SEC24A: variants seen among roughly 807,000 people sequenced by gnomAD.
SEC24A encodes protein transport protein Sec24A.
In SEC24A, 93 loss-of-function variants were observed where a neutral mutation model predicts 129.4. The observed-to-expected ratio is 0.72, with a 90% CI of 0.61 to 0.85. The LOEUF (loss-of-function observed/expected upper bound fraction) is 0.85. Among genes scored for constraint, SEC24A ranks in the 40% least tolerant of loss-of-function variants. The pLI is 0.00. For synonymous variants in SEC24A, 460 were observed against 467.3 expected, an observed-to-expected ratio of 0.98 and a Z score of 0.20; for missense variants, 1,264 against 1,307.4, an observed-to-expected ratio of 0.97 and a Z score of 0.51.
chr5:134,672,980 G>C (rs1371124592), intron 4 of SEC24A, among the ~76,000 whole-genome samples: 1 of 151,448 alleles, frequency 6.6e-6, no homozygotes, highest in African/African-American at 2.4e-5. Flanking sequence ...GGCTTGAAGA[G>C]ATCCCTCCTG....
chr5:134,688,138 G>T, intron 10 of SEC24A, 43 bp from the exon 11 acceptor site: 1 of 1,048,522 alleles, frequency 9.5e-7, no homozygotes, highest in South Asian at 1.3e-5. Context: ...GTATTTGTAT[G>T]TGGTTAAAAC....
Position 134,703,822 on chromosome 5 carries a change from C to A in SEC24A, c.2330C>A (p.Pro777His). 3 of 1,613,334 alleles carry A rather than the reference C, an allele frequency of 1.9e-6. No homozygotes were observed. Among genetic ancestry groups the A allele is most frequent in the Non-Finnish European group, 2.5e-6 (3 of 1,179,340 alleles). The change falls in exon 16 of 23, where the codon CCT becomes CAT. Residue 777 changes from proline (P) to histidine (H), a missense_variant. Transcript: ENST00000398844. ...FVRSTDLLSLPNVNPDAGYAV... is the reference protein window; with the variant it reads ...FVRSTDLLSLHNVNPDAGYAV... Reference sequence around the variant, plus strand: ...AGGTCAACCGACTTACTGTCTTTGCCTAACGTCAACCCAGACGCTGGGTAT... The same window carrying A: ...AGGTCAACCGACTTACTGTCTTTGCATAACGTCAACCCAGACGCTGGGTAT...
At chr5:134,713,512 A>G (rs974486258) in intron 18 of SEC24A, among the ~76,000 whole-genome samples, 5 of 151,972 alleles carry the variant, frequency 3.3e-5, no homozygotes, top group South Asian at 2.1e-4. Flanking sequence ...TATCTTTTTC[A>G]TTCATTTTTT....
chr5:134,654,020 G>A (rs1750153550), intron 1 of SEC24A, among the ~76,000 whole-genome samples: 1 of 151,686 alleles, frequency 6.6e-6, no homozygotes, highest in Non-Finnish European at 1.5e-5. Flanking sequence ...TTAGTCCAGT[G>A]TAGTGGTGCC....
At chr5:134,707,601 T>C (rs948271110) in intron 17 of SEC24A, among the ~76,000 whole-genome samples, 20 of 152,168 alleles carry the variant, frequency 1.3e-4, no homozygotes, top group African/African-American at 4.8e-4. Flanking sequence ...AGTGCTGGGA[T>C]TACAGGCGTG....
chr5:134,697,887 G>A lies in SEC24A; in HGVS notation c.2108-12G>A, dbSNP rs1366897326. On this transcript the variant is annotated splice_polypyrimidine_tract_variant and intron_variant, in intron 14 of 22. Coordinates refer to ENST00000398844, the MANE Select transcript of SEC24A (RefSeq NM_021982.3). ...AACGGCACAGTTTAAAACAGTGTGT[G>A]TTCTCTTCCAGGTTGTATTTCTCGG... is the stretch of plus-strand genomic sequence containing the variant. 1 of 1,607,310 alleles carries A rather than the reference G, an allele frequency of 6.2e-7. No individual in the cohort carries two copies. Among genetic ancestry groups the A allele is most frequent in the South Asian group, 1.1e-5 (1 of 89,860 alleles).
At chr5:134,696,932 C>T (rs533138897) in intron 13 of SEC24A, among the ~76,000 whole-genome samples, 194 bp from the exon 14 acceptor site, 15 of 152,050 alleles carry the variant, frequency 9.9e-5, no homozygotes, top group Admixed American at 6.6e-4. Context: ...CTGGCTGGAA[C>T]TTACAGAAAA....
intron 1 of SEC24A, among the ~76,000 whole-genome samples, chr5:134,654,948 C>T (rs1453244954): frequency 6.6e-6 from 1 of 152,066 alleles, no homozygotes; most frequent in Non-Finnish European, 1.5e-5. Context: ...AACTCCTGAC[C>T]TCGTGATCCT....
chr5:134,674,598 AG>A lies in SEC24A; in HGVS notation c.818-16del. ...TCTGGAGTATAAAATAGAACTTAAA[AG>A]TTACCTTGTTTCTAGCAACACCACA... is the stretch of plus-strand genomic sequence containing the variant. On this transcript the variant is annotated splice_polypyrimidine_tract_variant and intron_variant, in intron 4 of 22. Transcript: ENST00000398844. 1.9e-6 allele frequency: 3 copies of A among 1,604,564 alleles called. No individual in the cohort carries two copies. The highest frequency in any genetic ancestry group is 2.6e-6 in the Non-Finnish European group (3 of 1,175,868).
In SEC24A at chr5:134,723,656, A is replaced by T; in HGVS notation, c.3153A>T (p.Ile1051=). 1 of 1,595,746 alleles carries T rather than the reference A, an allele frequency of 6.3e-7. No homozygotes were observed. Among genetic ancestry groups the T allele is most frequent in the Non-Finnish European group, 8.6e-7 (1 of 1,163,790 alleles). ...WLREQRPFFP[I]LYVIRDESPM... ...GAGAGCAGAGACCATTTTTCCCAAT[A>T]CTTTATGTAATAAGGTAAGTTGAAT... Residue 1051 remains isoleucine, a synonymous_variant, in exon 22 of 23, where the codon ATA becomes ATT. Coordinates refer to ENST00000398844, the MANE Select transcript of SEC24A (RefSeq NM_021982.3).
At chr5:134,669,577 G>A (rs1480820159) in intron 3 of SEC24A, among the ~76,000 whole-genome samples, 2 of 151,834 alleles carry the variant, frequency 1.3e-5, no homozygotes, top group African/African-American at 4.8e-5. Context: ...CCGGGTTCAC[G>A]CCATTCTCCT....
At chr5:134,705,482 T>C (rs1412803368) in intron 17 of SEC24A, 45 bp downstream of exon 17, 1 of 1,240,012 alleles carries the variant, frequency 8.1e-7, no homozygotes, top group Non-Finnish European at 1.2e-6. Flanking sequence ...GTAATAACAT[T>C]AGGCACATCC....
At chr5:134,686,064 G>A (rs183834628) in intron 9 of SEC24A, among the ~76,000 whole-genome samples, 94 of 152,158 alleles carry the variant, frequency 6.2e-4, no homozygotes, top group African/African-American at 2.1e-3. Context: ...ACCAGCTGAA[G>A]CTAACTTGTA....
intron 1 of SEC24A, among the ~76,000 whole-genome samples, chr5:134,650,446 T>G (rs1483672824): frequency 6.6e-6 from 1 of 152,170 alleles, no homozygotes; most frequent in African/African-American, 2.4e-5. Context: ...AATATTGAAA[T>G]GTTAAAGGGA....
At chr5:134,680,409 T>C (rs991577730) in intron 8 of SEC24A, among the ~76,000 whole-genome samples, 4 of 152,188 alleles carry the variant, frequency 2.6e-5, no homozygotes, top group Admixed American at 6.6e-5. Context: ...CTTGGCTCAC[T>C]GCAACCTCCG....
intron 15 of SEC24A, among the ~76,000 whole-genome samples, chr5:134,702,220 G>T (rs1278269594): frequency 6.6e-6 from 1 of 151,968 alleles, no homozygotes; most frequent in Admixed American, 6.6e-5. Context: ...TCACTATGTT[G>T]CCCAGGCTTG....
At chr5:134,656,283 C>G (rs1323845434) in intron 1 of SEC24A, among the ~76,000 whole-genome samples, 1 of 152,028 alleles carries the variant, frequency 6.6e-6, no homozygotes, top group Middle Eastern at 3.4e-3. Context: ...GGGGTTTCAC[C>G]GTCTTAGGAT....
chr5:134,682,428 A>G lies in SEC24A; in HGVS notation c.1437A>G (p.Arg479=). The change falls in exon 9 of 23, where the codon AGA becomes AGG. Residue 479 remains arginine, a synonymous_variant. Transcript: ENST00000398844. ...PLTRVYGEPH[R]RPEVQNATIE... Reference sequence around the variant, plus strand: ...CCAGAGTTTATGGAGAACCTCACAGAAGACCAGAAGTTCAAAATGCTACTA... The same window carrying G: ...CCAGAGTTTATGGAGAACCTCACAGGAGACCAGAAGTTCAAAATGCTACTA... 2 of 1,610,480 alleles carry G rather than the reference A, an allele frequency of 1.2e-6. No homozygotes were observed. The highest frequency in any genetic ancestry group is 1.7e-6 in the Non-Finnish European group (2 of 1,176,820).
At chr5:134,709,150 G>T (rs1474280246) in intron 18 of SEC24A, among the ~76,000 whole-genome samples, 1 of 152,146 alleles carries the variant, frequency 6.6e-6, no homozygotes, top group African/African-American at 2.4e-5. Context: ...GGCGGAGGTT[G>T]TAGTGAGCCC....
Sources: gnomAD v4.1 joint callset for allele counts (sites outside exome capture counted in the v4.1 genomes callset) on GRCh38, gnomAD v4.1.1 for gene constraint, MANE v1.5 for transcripts, NCBI Gene and HGNC (gene_info 2026-07-23, HGNC 2026-07-21) for gene names.